NEXN: variants seen among roughly 807,000 people sequenced by gnomAD.
The protein encoded by NEXN is nexilin.
Under a neutral mutation model 92.6 loss-of-function variants are expected in NEXN, and 65 were observed. The observed-to-expected ratio is 0.70, with a 90% CI of 0.57 to 0.86. NEXN has a LOEUF of 0.86. Among genes scored for constraint, NEXN ranks in the 40% least tolerant of loss-of-function variants. The pLI is 0.00. For missense variants in NEXN, 778 were observed against 771.1 expected (o/e 1.01, Z -0.11); for synonymous variants, 254 against 242.5 (o/e 1.05, Z -0.44).
chr1:77,936,031 A>T lies in NEXN; in HGVS notation c.1460A>T (p.Glu487Val), dbSNP rs1405580142. Residue 487 changes from glutamate to valine, a missense_variant, in exon 11 of 13, where the codon GAA (glutamate) becomes GTA (valine). Physicochemically the swap from Glu to Val is moderately radical, Grantham distance 121. Coordinates refer to ENST00000334785, the MANE Select transcript of NEXN (RefSeq NM_144573.4). ...IDLEIKEREA[E>V]NFHEEDDVDV... is the part of the protein sequence containing the mutation. ...CTTGAAATTAAAGAGCGAGAAGCTG[A>T]AAATTTTCATGAGGTATATTACCTT... is the stretch of plus-strand genomic sequence containing the variant. The T allele has an allele frequency of 1.9e-6, 3 of 1,611,694 alleles. No homozygotes were observed. Among genetic ancestry groups the T allele is most frequent in the Non-Finnish European group, 1.7e-6 (2 of 1,178,148 alleles).
intron 8 of NEXN, 73 bp downstream of exon 8, chr1:77,926,965 C>T (rs1649901337): frequency 3.2e-6 from 5 of 1,563,942 alleles, no homozygotes; most frequent in Middle Eastern, 1.7e-4. Flanking sequence ...TTTACTACTA[C>T]AAATTCAAAG....
chr1:77,889,996 T>C (rs1647069482), intron 1 of NEXN, among the ~76,000 whole-genome samples: 1 of 152,244 alleles, frequency 6.6e-6, no homozygotes, highest in Admixed American at 6.5e-5. Flanking sequence ...AACATTATCC[T>C]TTACAGGTTA....
chr1:77,929,280 C>T, intron 8 of NEXN, 36 bp from the exon 9 acceptor site: 1 of 1,405,946 alleles, frequency 7.1e-7, no homozygotes, highest in Non-Finnish European at 1.0e-6. Flanking sequence ...TTCTGATGAA[C>T]CTCAATTCTT....
intron 1 of NEXN, among the ~76,000 whole-genome samples, chr1:77,901,405 C>T (rs1364137577): frequency 6.6e-6 from 1 of 152,078 alleles, no homozygotes; most frequent in East Asian, 1.9e-4. Flanking sequence ...TTTATAAGTA[C>T]ATATTAGAAT....
chr1:77,908,044 T>A (rs1407324249), intron 1 of NEXN, among the ~76,000 whole-genome samples: 2 of 151,490 alleles, frequency 1.3e-5, no homozygotes, highest in Non-Finnish European at 2.9e-5. Flanking sequence ...AGGCCAGGAG[T>A]TCGAGACCAG....
intron 1 of NEXN, among the ~76,000 whole-genome samples, chr1:77,909,909 C>T (rs1020503587): frequency 6.6e-6 from 1 of 152,286 alleles, no homozygotes; most frequent in South Asian, 2.1e-4. Context: ...AGATAACTTA[C>T]ACAACCAATA....
chr1:77,895,656 G>A (rs1203413433), intron 1 of NEXN, among the ~76,000 whole-genome samples: 2 of 152,132 alleles, frequency 1.3e-5, no homozygotes, highest in African/African-American at 4.8e-5. Context: ...TTGAGGCCAG[G>A]AGTTAGAGAT....
At chr1:77,915,536 G>A (rs1214712204) in intron 1 of NEXN, among the ~76,000 whole-genome samples, 3 of 152,220 alleles carry the variant, frequency 2.0e-5, no homozygotes, top group Non-Finnish European at 4.4e-5. Context: ...GGCTGAAGTG[G>A]GAGAATGGTG....
chr1:77,911,134 C>T (rs1648545013), intron 1 of NEXN, among the ~76,000 whole-genome samples: 1 of 152,164 alleles, frequency 6.6e-6, no homozygotes, highest in Non-Finnish European at 1.5e-5. Flanking sequence ...AGATACAGCG[C>T]CTGGCCCCAA....
At chr1:77,896,260 T>C (rs1031271687) in intron 1 of NEXN, among the ~76,000 whole-genome samples, 1 of 152,126 alleles carries the variant, frequency 6.6e-6, no homozygotes, top group Admixed American at 6.6e-5. Flanking sequence ...AACATGCCTT[T>C]TAATTTAATC....
At chr1:77,940,814 A>G (rs1243441926) in intron 11 of NEXN, among the ~76,000 whole-genome samples, 1 of 151,956 alleles carries the variant, frequency 6.6e-6, no homozygotes, top group African/African-American at 2.4e-5. Flanking sequence ...TTTTTTAAAA[A>G]ATGCTGTTCA....
chr1:77,925,712 A>G (rs1198378667), intron 6 of NEXN, among the ~76,000 whole-genome samples: 1 of 152,194 alleles, frequency 6.6e-6, no homozygotes, highest in African/African-American at 2.4e-5. Flanking sequence ...ATCTAACAGA[A>G]TAAGTTAAAA....
rs575418891 is a variant in NEXN, at chr1:77,895,401, A to G, written c.-53+6642A>G. Reference sequence around the variant, plus strand: ...GCAACCTTCATTAATTAAATGCAATAAAGTTACATTATACCTAAGTTTATG... The same window carrying G: ...GCAACCTTCATTAATTAAATGCAATGAAGTTACATTATACCTAAGTTTATG... On this transcript the variant is annotated intron_variant, in intron 1 of 12. Coordinates refer to ENST00000334785, the MANE Select transcript of NEXN (RefSeq NM_144573.4). Among the ~76,000 whole-genome samples the G allele has an allele frequency of 7.2e-5, 11 of 152,274 alleles. No homozygotes were observed. In the South Asian group the frequency reaches 2.1e-3, roughly 29 times the overall value.
At chr1:77,939,014 T>TA (rs1651029765) in intron 11 of NEXN, among the ~76,000 whole-genome samples, 2 of 152,192 alleles carry the variant, frequency 1.3e-5, no homozygotes, top group African/African-American at 2.4e-5. Context: ...ATAAAATATT[T>TA]ATGTTTATGC....
chr1:77,903,415 A>G (rs1647872431), intron 1 of NEXN, among the ~76,000 whole-genome samples: 1 of 152,186 alleles, frequency 6.6e-6, no homozygotes, highest in Admixed American at 6.5e-5. Flanking sequence ...TAACTATGTC[A>G]TTACACTTGG....
At chr1:77,891,343 T>C (rs1229017202) in intron 1 of NEXN, among the ~76,000 whole-genome samples, 1 of 152,208 alleles carries the variant, frequency 6.6e-6, no homozygotes, top group African/African-American at 2.4e-5. Context: ...TTCCCATGCA[T>C]AGAACTCTTT....
chr1:77,903,633 CT>C (rs1647886370), intron 1 of NEXN, among the ~76,000 whole-genome samples: 1 of 152,086 alleles, frequency 6.6e-6, no homozygotes, highest in Non-Finnish European at 1.5e-5. Context: ...CAGCTGGGGC[CT>C]TTTGCTAAAT....
At chr1:77,911,286 A>G (rs140889349) in intron 1 of NEXN, among the ~76,000 whole-genome samples, 1 of 152,338 alleles carries the variant, frequency 6.6e-6, no homozygotes, top group African/African-American at 2.4e-5. Flanking sequence ...CAGATCAGTC[A>G]AAACATAGTC....
rs750592270 is a variant in NEXN at position 77,926,485 on chromosome 1, G to T, written c.561G>T (p.Lys187Asn). 2.5e-6 allele frequency: 4 copies of T among 1,610,252 alleles called. No individual in the cohort carries two copies. In the South Asian group the frequency reaches 3.3e-5, roughly 13 times the overall value. The change falls in exon 7 of 13, where the codon AAG (lysine) becomes AAT (asparagine). Residue 187 changes from lysine to asparagine, a missense_variant. Physicochemically the swap from Lys to Asn is moderately conservative, Grantham distance 94 (BLOSUM62 0). Coordinates refer to ENST00000334785, the MANE Select transcript of NEXN (RefSeq NM_144573.4). ...ATAAAACATCTGGAAAAATGAAAAAGAATTTTGAGGATCTAGAAAAAGAAC... is the reference window on the plus strand; with the variant it reads ...ATAAAACATCTGGAAAAATGAAAAATAATTTTGAGGATCTAGAAAAAGAAC... ...KSYKTSGKMK[K>N]NFEDLEKERE... is the part of the protein sequence containing the mutation.
Sources: gnomAD v4.1 joint callset for allele counts (sites outside exome capture counted in the v4.1 genomes callset) on GRCh38, gnomAD v4.1.1 for gene constraint, MANE v1.5 for transcripts, NCBI Gene and HGNC (gene_info 2026-07-23, HGNC 2026-07-21) for gene names.